FRMPD4: variants seen among roughly 807,000 people sequenced by gnomAD.
The protein encoded by FRMPD4 is FERM and PDZ domain containing 4.
A neutral mutation model predicts 94.1 loss-of-function variants in FRMPD4; 22 were observed. That is an observed-to-expected ratio of 0.23 (90% confidence interval 0.17 to 0.33). The LOEUF (loss-of-function observed/expected upper bound fraction) is 0.33, where lower values mean the gene tolerates loss of function less well. Ranked by LOEUF, FRMPD4 falls within the 10% of genes least tolerant of loss-of-function variation. The pLI is 1.00. For synonymous variants in FRMPD4, 631 were observed against 548.6 expected (o/e 1.15, Z -2.10); for missense variants, 1,111 against 1,339.9 (o/e 0.83, Z 2.67).
intron 3 of FRMPD4, among the ~76,000 whole-genome samples, chrX:12,097,907 A>G (rs1192713886): frequency 8.9e-6 from 1 of 112,303 alleles, no homozygotes; most frequent in African/African-American, 3.2e-5. Context: ...GTGTGGATAT[A>G]TGTTTCCATT....
chrX:12,046,932 C>T (rs2054788535), intron 3 of FRMPD4, among the ~76,000 whole-genome samples: 1 of 111,429 alleles, frequency 9.0e-6, no homozygotes, highest in East Asian at 2.8e-4. Context: ...CTTGATCTTT[C>T]CTGTGACCAG....
chrX:11,846,403 A>T (rs1428501805), intron 1 of FRMPD4, among the ~76,000 whole-genome samples: 2 of 111,268 alleles, frequency 1.8e-5, no homozygotes, highest in Admixed American at 1.9e-4. Flanking sequence ...ATGGAAGAAC[A>T]TTCCATGCCC....
intron 4 of FRMPD4, among the ~76,000 whole-genome samples, chrX:12,666,666 C>T (rs1193239904): frequency 8.9e-6 from 1 of 111,881 alleles, no homozygotes; most frequent in Non-Finnish European, 1.9e-5. Flanking sequence ...GAACAACCTG[C>T]TCCTGAATGA....
At chrX:12,084,776 A>G (rs996549897) in intron 3 of FRMPD4, among the ~76,000 whole-genome samples, 2 of 112,271 alleles carry the variant, frequency 1.8e-5, no homozygotes, top group East Asian at 5.6e-4. Flanking sequence ...GGAAAGACCA[A>G]TTACTTAAGA....
rs770486467 is a variant in FRMPD4, at chrX:11,997,631, C to T, written c.95+119613C>T. 1.2e-4 allele frequency among the ~76,000 whole-genome samples: 13 copies of T among 110,943 alleles called. No homozygotes were observed. In the South Asian group the frequency reaches 4.6e-3, roughly 39 times the overall value. On this transcript the variant is annotated intron_variant, in intron 3 of 18. Transcript: ENST00000640291. ...CTTCTACAACATGGGTCTCATGGGG[C>T]CCAGACTGAAGGAACAGAGGCTACC...
chrX:12,551,666 T>C (rs1251441395), intron 2 of FRMPD4, among the ~76,000 whole-genome samples: 1 of 108,535 alleles, frequency 9.2e-6, no homozygotes, highest in African/African-American at 3.3e-5. Context: ...TTATTTAGCA[T>C]GGTCCTCTCA....
intron 1 of FRMPD4, among the ~76,000 whole-genome samples, chrX:11,823,206 A>G (rs1421388855): frequency 9.1e-6 from 1 of 110,494 alleles, no homozygotes; most frequent in Admixed American, 9.7e-5. Flanking sequence ...TAAGTTACAT[A>G]TTTGCTTGGA....
chrX:12,224,248 T>A (rs1192617860), intron 1 of FRMPD4, among the ~76,000 whole-genome samples: 1 of 111,328 alleles, frequency 9.0e-6, no homozygotes, highest in Non-Finnish European at 1.9e-5. Flanking sequence ...TTTATTTTAT[T>A]TATTTTATCT....
At chrX:11,928,590 G>C (rs1318461789) in intron 3 of FRMPD4, among the ~76,000 whole-genome samples, 1 of 112,036 alleles carries the variant, frequency 8.9e-6, no homozygotes, top group Non-Finnish European at 1.9e-5. Flanking sequence ...AGTCAGAATG[G>C]CTATTAAAGT....
At chrX:12,004,988 G>A (rs2054544099) in intron 3 of FRMPD4, among the ~76,000 whole-genome samples, 1 of 112,098 alleles carries the variant, frequency 8.9e-6, no homozygotes, top group African/African-American at 3.2e-5. Context: ...CAAGATCGAT[G>A]AACTTGTCAA....
At chrX:12,478,649 G>A (rs780090529) in intron 1 of FRMPD4, among the ~76,000 whole-genome samples, 1 of 111,738 alleles carries the variant, frequency 8.9e-6, no homozygotes, top group Non-Finnish European at 1.9e-5. Context: ...TGTCTTTAAT[G>A]TGTCAAGAGA....
intron 2 of FRMPD4, among the ~76,000 whole-genome samples, chrX:12,529,321 C>G (rs755998629): frequency 8.9e-6 from 1 of 112,713 alleles, no homozygotes; most frequent in Non-Finnish European, 1.9e-5. Flanking sequence ...AACAAACAAA[C>G]TGAGAAGGCT....
rs1230464033 is a variant in FRMPD4 at position 12,606,420 on chromosome X, G to A, written c.159-3301G>A. On this transcript the variant is annotated intron_variant, in intron 2 of 16. Transcript: ENST00000675598. Reference sequence around the variant, plus strand: ...AAAATTGATCCTGGTTCCCATCCCAGATATTCTGATATGGTTAGTCCGGAG... The same window carrying A: ...AAAATTGATCCTGGTTCCCATCCCAAATATTCTGATATGGTTAGTCCGGAG... 4.5e-5 allele frequency among the ~76,000 whole-genome samples: 5 copies of A among 111,908 alleles called. No individual in the cohort carries two copies. In the East Asian group the frequency reaches 1.1e-3, roughly 25 times the overall value.
rs150450997 is a variant in FRMPD4 at position 12,717,667 on chromosome X, A to G, written c.2841A>G (p.Ala947=). ...CTCACGAAGGCTACCACCCCCTTGC[A>G]GAAGAGCAGACCGAGTTCCCGGCCT... is the stretch of plus-strand genomic sequence containing the variant. The part of the protein sequence containing the change: ...LATHEGYHPL[A]EEQTEFPASK... The change falls in exon 16 of 17, where the codon GCA becomes GCG. Residue 947 remains alanine (A), a synonymous_variant. Coordinates refer to ENST00000675598, the MANE Select transcript of FRMPD4 (RefSeq NM_001368397.1). 489 of 1,209,954 alleles carry G rather than the reference A, an allele frequency of 4.0e-4. 2 individuals are homozygous for G. The South Asian group carries it at 5.9e-3, about 15-fold the overall frequency.
At position 12,331,707 on chromosome X, in the gene FRMPD4, A is replaced by T. The variant is rs187167590; in HGVS notation, c.42-166973A>T. Among the ~76,000 whole-genome samples the T allele has an allele frequency of 8.5e-5, 4 of 47,110 alleles. No individual in the cohort carries two copies. The East Asian group carries it at 1.7e-3, about 20-fold the overall frequency. The allele number at this position is 47,110 out of a possible 115,157, so 40.9% of individuals were successfully genotyped here. ...TATTTATATAATATATAAATATATA[A>T]TATATAATTTATATATAGTATATAA... is the stretch of plus-strand genomic sequence containing the variant. On this transcript the variant is annotated intron_variant, in intron 1 of 16. Coordinates refer to ENST00000675598, the MANE Select transcript of FRMPD4 (RefSeq NM_001368397.1).
chrX:12,662,060 C>T (rs1278616864), intron 4 of FRMPD4, among the ~76,000 whole-genome samples: 1 of 111,888 alleles, frequency 8.9e-6, no homozygotes, highest in African/African-American at 3.2e-5. Flanking sequence ...ATTGGGGAAA[C>T]GCCCTTCTGA....
intron 1 of FRMPD4, among the ~76,000 whole-genome samples, chrX:12,252,326 C>A (rs952682531): frequency 9.0e-6 from 1 of 111,264 alleles, no homozygotes; most frequent in African/African-American, 3.3e-5. Context: ...CCAGTGAGCA[C>A]ATTGAACTCC....
chrX:12,331,655 A>C (rs2055379116), intron 1 of FRMPD4, among the ~76,000 whole-genome samples: 1 of 77,874 alleles, frequency 1.3e-5, no homozygotes, highest in Non-Finnish European at 2.3e-5. Context: ...TTATATATTT[A>C]TATAATATAT....
chrX:11,944,063 G>A (rs919083428), intron 3 of FRMPD4, among the ~76,000 whole-genome samples: 5 of 112,237 alleles, frequency 4.5e-5, no homozygotes, highest in African/African-American at 9.7e-5. Context: ...TAGATGATAC[G>A]GAAATGAATG....
Sources: gnomAD v4.1 joint callset for allele counts (sites outside exome capture counted in the v4.1 genomes callset) on GRCh38, gnomAD v4.1.1 for gene constraint, MANE v1.5 for transcripts, NCBI Gene and HGNC (gene_info 2026-07-23, HGNC 2026-07-21) for gene names.